The following TMCO1 variants were observed in gnomAD, a reference collection of about 807,000 sequenced individuals.
TMCO1 encodes the protein calcium load-activated calcium channel.
A neutral mutation model predicts 29.3 loss-of-function variants in TMCO1; 29 were observed. That is an observed-to-expected ratio of 0.99 (90% CI 0.74 to 1.35). The LOEUF is 1.35. Among genes scored for constraint, TMCO1 ranks in the 40% most tolerant of loss-of-function variants. TMCO1 has a pLI of 0.00. For missense variants in TMCO1, 173 were observed against 225.5 expected (o/e 0.77, Z 1.49); for synonymous variants, 80 against 77.1 (o/e 1.04, Z -0.20).
intron 2 of TMCO1, among the ~76,000 whole-genome samples, chr1:165,766,456 AG>A (rs1489860940): frequency 2.0e-5 from 3 of 152,224 alleles, no homozygotes; most frequent in Non-Finnish European, 4.4e-5. Context: ...CAACAACGGG[AG>A]GTCAAGAAAT....
chr1:165,733,676 G>A (rs950855799), intron 6 of TMCO1, among the ~76,000 whole-genome samples: 3 of 152,070 alleles, frequency 2.0e-5, no homozygotes, highest in Non-Finnish European at 4.4e-5. Flanking sequence ...TGCTATGAAA[G>A]AAAATAGAAA....
intron 6 of TMCO1, among the ~76,000 whole-genome samples, chr1:165,732,327 T>C (rs1283821932): frequency 2.0e-5 from 3 of 146,430 alleles, no homozygotes; most frequent in Non-Finnish European, 3.0e-5. Context: ...AGTTTTCCTT[T>C]ATTAAGCCAC....
downstream of TMCO1, chr1:165,725,247 T>C (rs1173935491): frequency 2.2e-6 from 1 of 453,792 alleles, no homozygotes; most frequent in Non-Finnish European, 4.4e-6. Context: ...ACCTACTCCA[T>C]CCTAGTTTGT....
At chr1:165,768,875 C>A (rs138993180), upstream of TMCO1, 77 of 1,558,086 alleles carry the variant, frequency 4.9e-5, 1 homozygote, top group African/African-American at 6.6e-4. Flanking sequence ...CTCTGACAGC[C>A]CGAAGATCGC....
At chr1:165,744,576 G>A (rs1175204314) in intron 5 of TMCO1, among the ~76,000 whole-genome samples, 4 of 152,138 alleles carry the variant, frequency 2.6e-5, no homozygotes, top group African/African-American at 7.2e-5. Flanking sequence ...CGGATCACCT[G>A]AGGTTGGGAG....
Position 165,744,350 on chromosome 1 carries a change from T to G in TMCO1, c.324-1039A>C, listed in dbSNP as rs556460594. 2.8e-4 allele frequency among the ~76,000 whole-genome samples: 43 copies of G among 152,272 alleles called. No homozygotes were observed. In the South Asian group the frequency reaches 8.9e-3, roughly 32 times the overall value. On this transcript the variant is annotated intron_variant, in intron 5 of 6. Transcript: ENST00000367881. ...CCAGTAAAACGAATTATTTTCAAACTCTAAAAACTACTCAATAAAAGTACT... is the reference window on the plus strand; with the variant it reads ...CCAGTAAAACGAATTATTTTCAAACGCTAAAAACTACTCAATAAAAGTACT...
chr1:165,733,667 G>T (rs1209063896), intron 6 of TMCO1, among the ~76,000 whole-genome samples: 2 of 152,122 alleles, frequency 1.3e-5, no homozygotes, highest in Non-Finnish European at 2.9e-5. Context: ...TAATAAAGAT[G>T]CTATGAAAGA....
chr1:165,744,187 C>T (rs73022525), intron 5 of TMCO1, among the ~76,000 whole-genome samples: 2,021 of 152,174 alleles, frequency 0.013, 54 homozygotes, highest in African/African-American at 0.047. Flanking sequence ...AAGAAAAAAA[C>T]TGGGAAGAGA....
intron 6 of TMCO1, among the ~76,000 whole-genome samples, chr1:165,735,253 T>C (rs1162685160): frequency 1.3e-5 from 2 of 152,218 alleles, no homozygotes; most frequent in Non-Finnish European, 2.9e-5. Context: ...AAGGAGAATA[T>C]TCTGAATTTT....
At chr1:165,728,399 G>A (rs1453155404) in intron 6 of TMCO1, among the ~76,000 whole-genome samples, 1 of 151,882 alleles carries the variant, frequency 6.6e-6, no homozygotes, top group African/African-American at 2.4e-5. Context: ...TGGGACTACA[G>A]GTGCCCGCCA....
downstream of TMCO1, chr1:165,724,750 A>G (rs777239885): frequency 8.8e-6 from 4 of 453,552 alleles, no homozygotes; most frequent in South Asian, 6.2e-5. Context: ...AATTTTTGAC[A>G]TCTATAGACA....
chr1:165,739,987 CT>C (rs1044001715), intron 6 of TMCO1, among the ~76,000 whole-genome samples: 5 of 151,540 alleles, frequency 3.3e-5, no homozygotes, highest in Non-Finnish European at 5.9e-5. Context: ...TGGTGGGTGC[CT>C]ATAATCCCAG....
At chr1:165,759,442 TTAA>T in intron 3 of TMCO1, 80 bp downstream of exon 3, 1 of 959,900 alleles carries the variant, frequency 1.0e-6, no homozygotes, top group South Asian at 1.4e-5. Flanking sequence ...GTTATCACTA[TTAA>T]TAATTTTATA....
chr1:165,753,456 G>C (rs964736342), intron 4 of TMCO1, among the ~76,000 whole-genome samples: 6 of 118,056 alleles, frequency 5.1e-5, no homozygotes, highest in Middle Eastern at 0.018. Flanking sequence ...CTTGGTAATA[G>C]AGCAAGACTC....
chr1:165,767,204 C>T (rs539262369), intron 2 of TMCO1, among the ~76,000 whole-genome samples: 4 of 151,996 alleles, frequency 2.6e-5, no homozygotes, highest in Admixed American at 1.3e-4. Context: ...CTTCAAACCC[C>T]TATGAAGATA....
At chr1:165,759,873 C>T (rs1652335797) in intron 2 of TMCO1, among the ~76,000 whole-genome samples, 2 of 152,104 alleles carry the variant, frequency 1.3e-5, no homozygotes, top group African/African-American at 4.8e-5. Context: ...GGATGATTAC[C>T]TTAGCTAGTT....
At chr1:165,756,441 C>T (rs1176130190) in intron 3 of TMCO1, among the ~76,000 whole-genome samples, 1 of 152,124 alleles carries the variant, frequency 6.6e-6, no homozygotes, top group African/African-American at 2.4e-5. Context: ...CTGAGTTTCT[C>T]ATCACGTATA....
At chr1:165,737,240 T>A (rs1651423573) in intron 6 of TMCO1, among the ~76,000 whole-genome samples, 1 of 151,806 alleles carries the variant, frequency 6.6e-6, no homozygotes. Flanking sequence ...TACCTAAAAT[T>A]CAAAAATCAT....
chr1:165,740,812 T>C (rs1651566585), intron 6 of TMCO1, among the ~76,000 whole-genome samples: 1 of 152,216 alleles, frequency 6.6e-6, no homozygotes, highest in African/African-American at 2.4e-5. Flanking sequence ...TTCTCGCTCT[T>C]GCCTTCTCAC....
Sources: gnomAD v4.1 joint callset for allele counts (sites outside exome capture counted in the v4.1 genomes callset) on GRCh38, gnomAD v4.1.1 for gene constraint, MANE v1.5 for transcripts, NCBI Gene and HGNC (gene_info 2026-07-23, HGNC 2026-07-21) for gene names.